OCA2: variants seen among roughly 807,000 people sequenced by gnomAD.
OCA2 encodes OCA2 melanosomal transmembrane protein, also known as P protein.
Under a neutral mutation model 100.2 loss-of-function variants are expected in OCA2, and 77 were observed. The ratio of observed to expected loss-of-function variants is 0.77; its 90% CI spans 0.64 to 0.93. The LOEUF (loss-of-function observed/expected upper bound fraction) is 0.93, where lower values mean the gene tolerates loss of function less well. Ranked by LOEUF, OCA2 falls within the 40% of genes least tolerant of loss-of-function variation. The pLI, the probability that OCA2 is intolerant of heterozygous loss-of-function variation, is 0.00. For missense variants in OCA2, 1,062 were observed against 1,089.1 expected, an observed-to-expected ratio of 0.98 and a Z score of 0.35; for synonymous variants, 432 against 439.2, an observed-to-expected ratio of 0.98 and a Z score of 0.21.
chr15:27,739,440 C>CTTT, the OCA2 span, among the ~76,000 whole-genome samples: 248 of 99,826 alleles, frequency 2.5e-3, no homozygotes, highest in Middle Eastern at 0.014. Context: ...TAATTTCTTT[C>CTTT]TTTTTTTTTT....
intron 9 of OCA2, among the ~76,000 whole-genome samples, chr15:28,007,890 T>C (rs2042133064): frequency 6.6e-6 from 1 of 152,214 alleles, no homozygotes; most frequent in Non-Finnish European, 1.5e-5. Flanking sequence ...AAGGGAACCC[T>C]GGCTGATCCT....
At chr15:27,815,286 A>T (rs1440778034) in intron 23 of OCA2, among the ~76,000 whole-genome samples, 3 of 152,188 alleles carry the variant, frequency 2.0e-5, no homozygotes, top group Admixed American at 6.5e-5. Context: ...TCAGGAACAG[A>T]GGGAAGGGGC....
intron 23 of OCA2, among the ~76,000 whole-genome samples, chr15:27,794,292 G>A (rs1341802933): frequency 6.6e-6 from 1 of 152,134 alleles, no homozygotes; most frequent in Non-Finnish European, 1.5e-5. Flanking sequence ...GCTACAGGAT[G>A]TGGCTCATTG....
intron 1 of OCA2, among the ~76,000 whole-genome samples, chr15:28,097,971 G>A (rs2045017404): frequency 6.6e-6 from 1 of 152,182 alleles, no homozygotes; most frequent in Admixed American, 6.5e-5. Context: ...GCATAGAAAC[G>A]GGGACCCAGG....
At chr15:27,724,199 G>A in the OCA2 span, among the ~76,000 whole-genome samples, 1 of 152,154 alleles carries the variant, frequency 6.6e-6, no homozygotes, top group Non-Finnish European at 1.5e-5. Flanking sequence ...CTGCAGACTG[G>A]GGGAGTCATA....
rs75102342 is a variant in OCA2, at chr15:28,036,843, T to C, written c.228-4680A>G. On this transcript the variant is annotated intron_variant, in intron 2 of 23. Coordinates refer to ENST00000354638, the MANE Select transcript of OCA2 (RefSeq NM_000275.3). ...GAGGTGGTGATTGGGGTACCAGGCATGGAGGAAGAGGTTTGCCCTCAGTCT... is the reference window on the plus strand; with the variant it reads ...GAGGTGGTGATTGGGGTACCAGGCACGGAGGAAGAGGTTTGCCCTCAGTCT... 7.1e-3 allele frequency among the ~76,000 whole-genome samples: 1,082 copies of C among 152,060 alleles called. 31 individuals are homozygous for C. The highest frequency in any genetic ancestry group is 0.046 in the East Asian group (235 of 5,146).
chr15:27,938,514 AG>A (rs59254310), intron 18 of OCA2, among the ~76,000 whole-genome samples: 17,459 of 152,186 alleles, frequency 0.11, 3,456 homozygotes, highest in African/African-American at 0.4. Flanking sequence ...TTGTGATGGC[AG>A]GGTCAGGGAA....
At chr15:27,765,949 G>A (rs776929480) in intron 23 of OCA2, among the ~76,000 whole-genome samples, 12 of 152,238 alleles carry the variant, frequency 7.9e-5, no homozygotes, top group African/African-American at 1.4e-4. Context: ...AACTCATCCC[G>A]TGAATTAGAA....
intron 18 of OCA2, among the ~76,000 whole-genome samples, chr15:27,949,319 T>C (rs2039953866): frequency 1.3e-5 from 2 of 152,218 alleles, no homozygotes; most frequent in African/African-American, 2.4e-5. Flanking sequence ...TTTCATATCA[T>C]ATGACATCAC....
At chr15:27,726,340 T>TAAATAAATAAAA in the OCA2 span, among the ~76,000 whole-genome samples, 2 of 142,406 alleles carry the variant, frequency 1.4e-5, no homozygotes, top group Non-Finnish European at 3.2e-5. Context: ...AATAAATAAA[T>TAAATAAATAAAA]AAAAATAGTT....
At chr15:28,037,036 C>T (rs1159741199) in intron 2 of OCA2, among the ~76,000 whole-genome samples, 6 of 151,996 alleles carry the variant, frequency 3.9e-5, no homozygotes, top group Non-Finnish European at 8.8e-5. Flanking sequence ...GATGCCTGCT[C>T]AAGTCATATG....
intron 14 of OCA2, among the ~76,000 whole-genome samples, chr15:27,981,363 C>T (rs2041155064): frequency 6.6e-6 from 1 of 152,172 alleles, no homozygotes; most frequent in Non-Finnish European, 1.5e-5. Flanking sequence ...TCTTTACATG[C>T]CTGATAATCA....
At position 27,868,973 on chromosome 15, in the gene OCA2, T is replaced by G. The variant is rs1488744569; in HGVS notation, c.2244+2181A>C. 3.9e-5 allele frequency among the ~76,000 whole-genome samples: 6 copies of G among 152,302 alleles called. No homozygotes were observed. The East Asian group carries it at 1.2e-3, about 29-fold the overall frequency. ...TGGAGAGACCTCGACGCCCACCCAC[T>G]TCGCAGATCCCTGCTCCAGGGAAGG... On this transcript the variant is annotated intron_variant, in intron 21 of 23. Coordinates refer to ENST00000354638, the MANE Select transcript of OCA2 (RefSeq NM_000275.3).
intron 23 of OCA2, among the ~76,000 whole-genome samples, chr15:27,842,865 C>A (rs373628266): frequency 2.0e-5 from 3 of 152,286 alleles, no homozygotes; most frequent in East Asian, 3.9e-4. Flanking sequence ...ACACTGCACA[C>A]CAAATGCAAG....
intron 18 of OCA2, among the ~76,000 whole-genome samples, chr15:27,945,321 G>A (rs1239719716): frequency 6.6e-6 from 1 of 152,150 alleles, no homozygotes; most frequent in Non-Finnish European, 1.5e-5. Flanking sequence ...CTCTTCGCCT[G>A]GAAATTGGGG....
chr15:27,897,283 G>T (rs2037743493), intron 19 of OCA2, among the ~76,000 whole-genome samples: 1 of 151,722 alleles, frequency 6.6e-6, no homozygotes, highest in African/African-American at 2.4e-5. Context: ...CGGGCCCAGT[G>T]CCTCCCTGCC....
chr15:27,740,005 C>T, the OCA2 span, among the ~76,000 whole-genome samples: 1 of 152,184 alleles, frequency 6.6e-6, no homozygotes, highest in Admixed American at 6.5e-5. Context: ...GTTTAAGGTA[C>T]ATGTTTGACT....
chr15:27,820,927 G>A, intron 23 of OCA2, among the ~76,000 whole-genome samples: 1 of 152,264 alleles, frequency 6.6e-6, no homozygotes, highest in East Asian at 1.9e-4. Context: ...TGGCATGTGA[G>A]TATTCTGTCC....
intron 23 of OCA2, among the ~76,000 whole-genome samples, chr15:27,831,685 C>A (rs1223571876): frequency 6.6e-6 from 1 of 152,298 alleles, no homozygotes; most frequent in East Asian, 1.9e-4. Flanking sequence ...CTGCCTGCAG[C>A]CGTTCTCTAT....
Sources: allele counts gnomAD v4.1 joint callset (sites outside exome capture counted in the v4.1 genomes callset), GRCh38; gene constraint gnomAD v4.1.1; transcripts MANE v1.5; gene names NCBI Gene and HGNC (gene_info 2026-07-23, HGNC 2026-07-21).